The following UNC13C variants were observed in gnomAD, a reference collection of about 807,000 sequenced individuals.
UNC13C encodes protein unc-13 homolog C.
UNC13C carries 174 observed loss-of-function variants against 245.4 expected under a neutral mutation model. The observed-to-expected ratio is 0.71, with a 90% CI of 0.63 to 0.80. The LOEUF (loss-of-function observed/expected upper bound fraction) is 0.80. Among genes scored for constraint, UNC13C ranks in the 30% least tolerant of loss-of-function variants. The probability of loss-of-function intolerance (pLI) is 0.00; values close to 1 mark genes in which losing one functional copy is unlikely to be tolerated. For synonymous variants in UNC13C, 992 were observed against 895.1 expected (o/e 1.11, Z -1.93); for missense variants, 2,829 against 2,602.9 (o/e 1.09, Z -1.89).
intron 11 of UNC13C, 48 bp from the exon 12 acceptor site, chr15:54,297,763 A>G: frequency 7.2e-7 from 1 of 1,379,880 alleles, no homozygotes; most frequent in South Asian, 1.3e-5. Context: ...GTATGAGAAA[A>G]ACATTATTGT....
chr15:53,889,770 TG>T, the UNC13C span, among the ~76,000 whole-genome samples: 9 of 152,176 alleles, frequency 5.9e-5, no homozygotes, highest in East Asian at 1.3e-3. Flanking sequence ...TGAAGGGTGT[TG>T]AATTTTGTCA....
At chr15:54,351,530 A>C (rs1326469368) in intron 17 of UNC13C, among the ~76,000 whole-genome samples, 2 of 152,266 alleles carry the variant, frequency 1.3e-5, no homozygotes, top group East Asian at 1.9e-4. Context: ...GAAGTTACAC[A>C]GTTCTTTATA....
intron 4 of UNC13C, among the ~76,000 whole-genome samples, chr15:54,225,027 CT>C (rs60180489): frequency 0.28 from 38,286 of 138,198 alleles, 7,281 homozygotes; most frequent in African/African-American, 0.54. Context: ...CTTGTGTCTT[CT>C]TTTTTTTTTT....
chr15:54,389,484 A>G (rs1055561820), intron 17 of UNC13C, among the ~76,000 whole-genome samples: 1 of 152,222 alleles, frequency 6.6e-6, no homozygotes, highest in East Asian at 1.9e-4. Flanking sequence ...GAGAATCACC[A>G]TGCACATTAG....
At chr15:54,342,075 T>A (rs188988893) in intron 17 of UNC13C, among the ~76,000 whole-genome samples, 2 of 152,316 alleles carry the variant, frequency 1.3e-5, no homozygotes, top group East Asian at 1.9e-4. Flanking sequence ...TATTGGTGTG[T>A]TTGAACGTAT....
chr15:54,481,156 C>G (rs1022109441), intron 19 of UNC13C, among the ~76,000 whole-genome samples: 2 of 151,052 alleles, frequency 1.3e-5, no homozygotes, highest in Non-Finnish European at 2.9e-5. Context: ...GTGGTTTAAG[C>G]TGCCGTTATT....
At chr15:54,272,392 A>T (rs927444334) in intron 10 of UNC13C, among the ~76,000 whole-genome samples, 1 of 152,182 alleles carries the variant, frequency 6.6e-6, no homozygotes, top group Non-Finnish European at 1.5e-5. Context: ...ACAGCAGACT[A>T]ATATTTTAAA....
chr15:54,056,840 G>A (rs1020487816), intron 2 of UNC13C, among the ~76,000 whole-genome samples: 2 of 152,082 alleles, frequency 1.3e-5, no homozygotes, highest in Admixed American at 6.6e-5. Context: ...TCAACCCAGA[G>A]TTTCATATCC....
intron 17 of UNC13C, among the ~76,000 whole-genome samples, chr15:54,380,884 C>G (rs751251196): frequency 6.6e-6 from 1 of 152,046 alleles, no homozygotes; most frequent in Non-Finnish European, 1.5e-5. Flanking sequence ...GTATAGATGG[C>G]AAATATTTTT....
intron 29 of UNC13C, among the ~76,000 whole-genome samples, chr15:54,559,406 T>C (rs1190094201): frequency 6.6e-6 from 1 of 151,998 alleles, no homozygotes; most frequent in Non-Finnish European, 1.5e-5. Context: ...GCATCTTCTT[T>C]TCACCATTAC....
chr15:54,350,604 C>A (rs939751419), intron 17 of UNC13C, among the ~76,000 whole-genome samples: 1 of 152,044 alleles, frequency 6.6e-6, no homozygotes, highest in Non-Finnish European at 1.5e-5. Flanking sequence ...AGTCAATTAC[C>A]TAAACTTTGT....
chr15:54,070,489 A>G (rs1432301184), intron 2 of UNC13C, among the ~76,000 whole-genome samples: 12 of 152,188 alleles, frequency 7.9e-5, no homozygotes, highest in Non-Finnish European at 5.9e-5. Flanking sequence ...TGAATGCAGT[A>G]TAAGATGATG....
At chr15:54,139,160 G>A (rs1023753218) in intron 2 of UNC13C, among the ~76,000 whole-genome samples, 4 of 151,128 alleles carry the variant, frequency 2.6e-5, no homozygotes, top group Admixed American at 1.3e-4. Flanking sequence ...GGGTTTCACC[G>A]TGTCAGCCAG....
At chr15:54,286,422 A>G (rs2037151242) in intron 10 of UNC13C, among the ~76,000 whole-genome samples, 1 of 152,172 alleles carries the variant, frequency 6.6e-6, no homozygotes, top group Non-Finnish European at 1.5e-5. Flanking sequence ...AATATTTAAC[A>G]GCTCTCTTCT....
intron 19 of UNC13C, among the ~76,000 whole-genome samples, chr15:54,484,690 A>G (rs1224673743): frequency 1.3e-5 from 2 of 152,164 alleles, no homozygotes; most frequent in Non-Finnish European, 2.9e-5. Context: ...ATGAAGGCAA[A>G]TTCAGAAAAG....
intron 19 of UNC13C, chr15:54,417,049 C>A (rs200867748): frequency 6.3e-5 from 28 of 442,688 alleles, no homozygotes; most frequent in Middle Eastern, 3.3e-4. Context: ...CAGGAATAAA[C>A]TTATTTTAAT....
At chr15:54,073,720 G>T (rs1299493894) in intron 2 of UNC13C, among the ~76,000 whole-genome samples, 1 of 151,988 alleles carries the variant, frequency 6.6e-6, no homozygotes, top group Non-Finnish European at 1.5e-5. Context: ...CCTACTTTTT[G>T]ATGGGGTTGT....
rs537949328 is a variant in UNC13C at position 54,012,389 on chromosome 15, C to A, written c.-256-259C>A. The stretch of plus-strand genomic sequence containing the variant: ...TATTACTCAATGTTTTCTAAATAAT[C>A]ATAATTACCTTTTATTACTATTTCA... On this transcript the variant is annotated intron_variant, in intron 1 of 32. Coordinates refer to ENST00000260323, the MANE Select transcript of UNC13C (RefSeq NM_001080534.3). Among the ~76,000 whole-genome samples the A allele has an allele frequency of 2.0e-5, 3 of 152,192 alleles. No individual in the cohort carries two copies. In the East Asian group the frequency reaches 5.8e-4, roughly 29 times the overall value.
intron 17 of UNC13C, among the ~76,000 whole-genome samples, chr15:54,376,122 G>A (rs1038905905): frequency 2.0e-5 from 3 of 151,990 alleles, no homozygotes; most frequent in Non-Finnish European, 4.4e-5. Context: ...TTGCTTTCAT[G>A]TAGTATCTAG....
Sources: allele counts gnomAD v4.1 joint callset (sites outside exome capture counted in the v4.1 genomes callset), GRCh38; gene constraint gnomAD v4.1.1; transcripts MANE v1.5; gene names NCBI Gene and HGNC (gene_info 2026-07-23, HGNC 2026-07-21).